The following KCNJ6 variants were observed in gnomAD, a reference collection of about 807,000 sequenced individuals.
KCNJ6 encodes potassium inwardly rectifying channel subfamily J member 6.
KCNJ6 carries 9 observed loss-of-function variants against 34.2 expected under a neutral mutation model. The ratio of observed to expected loss-of-function variants is 0.26; its 90% confidence interval spans 0.16 to 0.46. KCNJ6 has a LOEUF of 0.46. Among genes scored for constraint, KCNJ6 ranks in the 20% least tolerant of loss-of-function variants. KCNJ6 has a pLI of 1.00. For synonymous variants in KCNJ6, 196 were observed against 207.1 expected, an observed-to-expected ratio of 0.95 and a Z score of 0.46; for missense variants, 236 against 531.3, an observed-to-expected ratio of 0.44 and a Z score of 5.46.
chr21:37,667,233 A>T, intron 3 of KCNJ6, among the ~76,000 whole-genome samples: 1 of 148,918 alleles, frequency 6.7e-6, no homozygotes. Context: ...CTGGATATGT[A>T]ACAAGGGCCG....
intron 3 of KCNJ6, among the ~76,000 whole-genome samples, chr21:37,665,648 C>T (rs890470754): frequency 1.3e-5 from 2 of 152,160 alleles, no homozygotes; most frequent in Admixed American, 6.5e-5. Context: ...TCTCAGTGGA[C>T]AAGGAAGGGA....
intron 1 of KCNJ6, among the ~76,000 whole-genome samples, chr21:37,865,767 C>A (rs1330543530): frequency 6.6e-6 from 1 of 152,214 alleles, no homozygotes; most frequent in South Asian, 2.1e-4. Flanking sequence ...CAACACCCCA[C>A]TCTCAGTCTT....
chr21:37,906,311 C>T (rs981959854), intron 1 of KCNJ6, among the ~76,000 whole-genome samples: 1 of 152,184 alleles, frequency 6.6e-6, no homozygotes, highest in African/African-American at 2.4e-5. Context: ...AGTGGGCATT[C>T]TGGCATTCCA....
chr21:37,758,559 C>G (rs955275568), intron 2 of KCNJ6, among the ~76,000 whole-genome samples: 1 of 152,174 alleles, frequency 6.6e-6, no homozygotes, highest in Non-Finnish European at 1.5e-5. Flanking sequence ...AATATCTACC[C>G]GTCAACTCTT....
intron 2 of KCNJ6, among the ~76,000 whole-genome samples, chr21:37,728,203 C>T (rs146534387): frequency 2.6e-5 from 4 of 152,152 alleles, no homozygotes; most frequent in Non-Finnish European, 4.4e-5. Context: ...AAGCCAGACA[C>T]GAAAGGACAA....
In KCNJ6 at chr21:37,619,130, C is replaced by T. The variant is rs1442753738; in HGVS notation, c.*6029G>A. 1 of 152,056 alleles carries T rather than the reference C, an allele frequency of 6.6e-6. No homozygotes were observed. Among genetic ancestry groups the T allele is most frequent in the Non-Finnish European group, 1.5e-5 (1 of 68,004 alleles). 9.4% of individuals were successfully genotyped at this position (152,056 alleles called of 1,614,324 possible). ...ATCACAATGATTTGTTACATTGTTA[C>T]TTTTTTTTCTTTCTCATCTGATTTC... On this transcript the variant is annotated 3_prime_UTR_variant, in exon 4 of 4. Coordinates refer to ENST00000609713, the MANE Select transcript of KCNJ6 (RefSeq NM_002240.5).
Position 37,707,304 on chromosome 21 carries a change from C to T in KCNJ6, c.946+6907G>A, listed in dbSNP as rs1913649. On this transcript the variant is annotated intron_variant, in intron 3 of 3. Coordinates refer to ENST00000609713, the MANE Select transcript of KCNJ6 (RefSeq NM_002240.5). ...AGATGCTCGCTGGGACTGGGTCTCC[C>T]GACTGCCCGGCCTCCTGTCCCCGCA... is the stretch of plus-strand genomic sequence containing the variant. Among the ~76,000 whole-genome samples the T allele has an allele frequency of 2.7e-3, 411 of 152,310 alleles. 5 individuals are homozygous for T. In the East Asian group the frequency reaches 0.028, roughly 11 times the overall value.
chr21:37,860,364 C>A (rs746005167), intron 1 of KCNJ6, among the ~76,000 whole-genome samples: 5 of 152,218 alleles, frequency 3.3e-5, no homozygotes, highest in Admixed American at 6.5e-5. Context: ...CTCACAGCTA[C>A]TAGCTTAGCT....
intron 1 of KCNJ6, among the ~76,000 whole-genome samples, chr21:37,853,835 C>CATATATATGTGTGTATATATATAT (rs1399366665): frequency 1.3e-3 from 58 of 43,226 alleles, no homozygotes; most frequent in Admixed American, 5.9e-3. Flanking sequence ...TTAAGAGATA[C>CATATATATGTGTGTATATATATAT]ATATATATAT....
intron 1 of KCNJ6, among the ~76,000 whole-genome samples, chr21:37,888,770 C>G (rs1298924779): frequency 6.6e-6 from 1 of 152,206 alleles, no homozygotes; most frequent in East Asian, 1.9e-4. Flanking sequence ...AGCTCGTAAA[C>G]CAGTTAGTGA....
intron 3 of KCNJ6, among the ~76,000 whole-genome samples, chr21:37,629,509 G>A (rs1281795799): frequency 6.6e-6 from 1 of 152,100 alleles, no homozygotes; most frequent in Non-Finnish European, 1.5e-5. Flanking sequence ...AGGTCATACT[G>A]GTGGGCCCTA....
At position 37,637,434 on chromosome 21, in the gene KCNJ6, CCTAATT is replaced by C. The variant is rs764538915; in HGVS notation, c.947-11956_947-11951del. 7.2e-5 allele frequency among the ~76,000 whole-genome samples: 11 copies of C among 152,246 alleles called. No individual in the cohort carries two copies. In the South Asian group the frequency reaches 1.0e-3, roughly 14 times the overall value. ...CTAAAAAAGATCCTACATGTGTACT[CCTAATT>C]CTATTCTCACCAAGGTCATTGATAA... On this transcript the variant is annotated intron_variant, in intron 3 of 3. Coordinates refer to ENST00000609713, the MANE Select transcript of KCNJ6 (RefSeq NM_002240.5).
At chr21:37,885,022 T>C (rs183766567) in intron 1 of KCNJ6, among the ~76,000 whole-genome samples, 33 of 152,370 alleles carry the variant, frequency 2.2e-4, no homozygotes, top group Non-Finnish European at 2.9e-5. Flanking sequence ...ATGGCTGTTA[T>C]TTCTCTGCCA....
At chr21:37,835,966 C>T (rs2055449674) in intron 2 of KCNJ6, among the ~76,000 whole-genome samples, 1 of 152,086 alleles carries the variant, frequency 6.6e-6, no homozygotes, top group African/African-American at 2.4e-5. Flanking sequence ...ATTGGCAGCC[C>T]ACTTTTTGAT....
At chr21:37,779,859 G>A (rs772099313) in intron 2 of KCNJ6, among the ~76,000 whole-genome samples, 3 of 152,196 alleles carry the variant, frequency 2.0e-5, no homozygotes, top group East Asian at 3.8e-4. Flanking sequence ...ATGCAACAGT[G>A]TATGTCTCTG....
intron 2 of KCNJ6, among the ~76,000 whole-genome samples, chr21:37,761,603 GTGTA>G (rs893268543): frequency 4.3e-5 from 6 of 141,048 alleles, no homozygotes; most frequent in African/African-American, 1.1e-4. Flanking sequence ...TGTGTGTTGT[GTGTA>G]TGTAGTATTT....
Position 37,836,834 on chromosome 21 carries a change from C to A in KCNJ6, c.25+3824G>T, listed in dbSNP as rs1478790435. Among the ~76,000 whole-genome samples, 3 of 152,050 alleles carry A rather than the reference C, an allele frequency of 2.0e-5. No individual in the cohort carries two copies. The East Asian group carries it at 5.8e-4, about 29-fold the overall frequency. On this transcript the variant is annotated intron_variant, in intron 2 of 3. Coordinates refer to ENST00000609713, the MANE Select transcript of KCNJ6 (RefSeq NM_002240.5). ...AGCAAACCACCATGGCATGTGTATA[C>A]CTCTGTAACAAATCTGCCCGTTCTG...
intron 2 of KCNJ6, among the ~76,000 whole-genome samples, chr21:37,790,863 C>G (rs372854047): frequency 6.6e-6 from 1 of 152,338 alleles, no homozygotes; most frequent in East Asian, 1.9e-4. Flanking sequence ...AAGGATCATA[C>G]TGGTGTTTGC....
chr21:37,745,771 T>A (rs2054964779), intron 2 of KCNJ6, among the ~76,000 whole-genome samples: 2 of 152,054 alleles, frequency 1.3e-5, no homozygotes, highest in African/African-American at 4.8e-5. Flanking sequence ...CAGGGGTGAA[T>A]AAAGATGCAG....
Sources: gnomAD v4.1 joint callset for allele counts (sites outside exome capture counted in the v4.1 genomes callset) on GRCh38, gnomAD v4.1.1 for gene constraint, MANE v1.5 for transcripts, NCBI Gene and HGNC (gene_info 2026-07-23, HGNC 2026-07-21) for gene names.